ANO4: variants seen among roughly 807,000 people sequenced by gnomAD.
The protein encoded by ANO4 is anoctamin-4.
In ANO4, 69 loss-of-function variants were observed where a neutral mutation model predicts 141.9. The ratio of observed to expected loss-of-function variants is 0.49; its 90% CI spans 0.40 to 0.59. The LOEUF is 0.59. Ranked by LOEUF, ANO4 falls within the 20% of genes least tolerant of loss-of-function variation. The pLI is 0.00. For missense variants in ANO4, 894 were observed against 1,162.2 expected (o/e 0.77, Z 3.36); for synonymous variants, 350 against 394.3 (o/e 0.89, Z 1.33).
At chr12:101,041,901 G>A (rs894644617) in intron 11 of ANO4, among the ~76,000 whole-genome samples, 2 of 152,120 alleles carry the variant, frequency 1.3e-5, no homozygotes, top group African/African-American at 4.8e-5. Context: ...TGAAAGTTGT[G>A]GAGCATCTAG....
intron 4 of ANO4, among the ~76,000 whole-genome samples, chr12:100,942,138 G>A (rs1375308825): frequency 1.3e-5 from 2 of 151,840 alleles, no homozygotes. Flanking sequence ...ACGCCACCAT[G>A]CCCAGCTAAT....
intron 1 of ANO4, among the ~76,000 whole-genome samples, chr12:100,805,147 A>C (rs1467246359): frequency 6.6e-6 from 1 of 152,152 alleles, no homozygotes; most frequent in Non-Finnish European, 1.5e-5. Flanking sequence ...GAAGGAGTCC[A>C]TTTTCTATTT....
At chr12:100,825,252 G>A (rs908011224) in intron 1 of ANO4, among the ~76,000 whole-genome samples, 2 of 151,950 alleles carry the variant, frequency 1.3e-5, no homozygotes, top group African/African-American at 4.8e-5. Context: ...AAACATTTAG[G>A]AAAACAAACA....
intron 3 of ANO4, among the ~76,000 whole-genome samples, chr12:100,765,028 G>A (rs1413931227): frequency 6.6e-6 from 1 of 152,154 alleles, no homozygotes. Context: ...GGGTTTAAGA[G>A]GGATTGGTTT....
chr12:100,875,173 C>T (rs556542224), intron 1 of ANO4, among the ~76,000 whole-genome samples: 3 of 152,146 alleles, frequency 2.0e-5, no homozygotes, highest in Non-Finnish European at 2.9e-5. Flanking sequence ...CACCTCATGT[C>T]GAATTGTAAT....
At chr12:101,062,025 C>A (rs1162303858) in intron 14 of ANO4, among the ~76,000 whole-genome samples, 1 of 152,106 alleles carries the variant, frequency 6.6e-6, no homozygotes, top group Non-Finnish European at 1.5e-5. Context: ...GATTTATCTA[C>A]CTTTGGTCTT....
intron 1 of ANO4, among the ~76,000 whole-genome samples, chr12:100,819,039 A>ATG (rs2035886508): frequency 6.6e-6 from 1 of 150,478 alleles, no homozygotes. Context: ...ATGTGTGTAT[A>ATG]TATATATGTG....
intron 3 of ANO4, among the ~76,000 whole-genome samples, chr12:100,931,760 A>G (rs2042094745): frequency 6.6e-6 from 1 of 152,118 alleles, no homozygotes; most frequent in African/African-American, 2.4e-5. Flanking sequence ...AGAATAAGAA[A>G]AAACTGAAAA....
chr12:101,047,886 G>A, intron 13 of ANO4: 1 of 477,430 alleles, frequency 2.1e-6, no homozygotes, highest in Non-Finnish European at 2.7e-6. Flanking sequence ...CCCAGAAAAT[G>A]TTTGCTCAAA....
At chr12:100,920,988 T>G (rs1014544529) in intron 2 of ANO4, among the ~76,000 whole-genome samples, 4 of 152,142 alleles carry the variant, frequency 2.6e-5, no homozygotes, top group African/African-American at 4.8e-5. Flanking sequence ...GAAACTAAAA[T>G]TTAGAGAGGT....
At chr12:100,976,969 T>C (rs188264860) in intron 7 of ANO4, among the ~76,000 whole-genome samples, 6 of 152,226 alleles carry the variant, frequency 3.9e-5, no homozygotes, top group Non-Finnish European at 7.4e-5. Context: ...ACAGAGCACA[T>C]TGGGGTCATA....
chr12:100,883,384 A>G (rs1480161068), intron 1 of ANO4, among the ~76,000 whole-genome samples: 2 of 152,256 alleles, frequency 1.3e-5, no homozygotes, highest in Admixed American at 1.3e-4. Flanking sequence ...AAAAGCAGCC[A>G]TAGATGATAG....
chr12:100,830,942 A>G (rs1314480257), intron 1 of ANO4, among the ~76,000 whole-genome samples: 3 of 152,096 alleles, frequency 2.0e-5, no homozygotes, highest in African/African-American at 4.8e-5. Flanking sequence ...TTATATAGAA[A>G]TCTGTCTCTT....
chr12:101,074,718 A>T (rs1225849366), intron 14 of ANO4, among the ~76,000 whole-genome samples: 2 of 152,244 alleles, frequency 1.3e-5, no homozygotes, highest in East Asian at 3.8e-4. Context: ...TGATACTATT[A>T]TTAAGTTATT....
intron 1 of ANO4, among the ~76,000 whole-genome samples, chr12:100,871,143 C>T (rs748618678): frequency 3.3e-5 from 5 of 152,140 alleles, no homozygotes; most frequent in African/African-American, 7.2e-5. Flanking sequence ...TTTCATATCA[C>T]CTTAAATCTT....
At chr12:100,795,645 T>C (rs2034261215) in intron 1 of ANO4, among the ~76,000 whole-genome samples, 1 of 152,194 alleles carries the variant, frequency 6.6e-6, no homozygotes, top group Non-Finnish European at 1.5e-5. Flanking sequence ...TTCTTTCCCT[T>C]CTGAGTCTCA....
At chr12:100,889,082 C>T (rs111282496) in intron 1 of ANO4, among the ~76,000 whole-genome samples, 20,949 of 144,436 alleles carry the variant, frequency 0.15, 2,733 homozygotes, top group African/African-American at 0.35. Flanking sequence ...TTCCTGTGTC[C>T]ATGTGTTCTC....
chr12:100,942,373 G>T lies in ANO4; in HGVS notation c.298-4G>T. On this transcript the variant is annotated splice_polypyrimidine_tract_variant and splice_region_variant and intron_variant, in intron 4 of 27. Coordinates refer to ENST00000392977, the MANE Select transcript of ANO4 (RefSeq NM_001286615.2). ...TAAACTGGTCCCTTTCTCTTTGTGT[G>T]CAGACAGTGCCAGAAAGAAACAAAT... 2 of 1,612,624 alleles carry T rather than the reference G, an allele frequency of 1.2e-6. No homozygotes were observed. The highest frequency in any genetic ancestry group is 1.7e-6 in the Non-Finnish European group (2 of 1,179,510).
At chr12:101,032,236 A>G (rs962517562) in intron 9 of ANO4, among the ~76,000 whole-genome samples, 1 of 152,218 alleles carries the variant, frequency 6.6e-6, no homozygotes, top group Non-Finnish European at 1.5e-5. Flanking sequence ...AAACAGACAC[A>G]TAGACCAATG....
Sources: gnomAD v4.1 joint callset for allele counts (sites outside exome capture counted in the v4.1 genomes callset) on GRCh38, gnomAD v4.1.1 for gene constraint, MANE v1.5 for transcripts, NCBI Gene and HGNC (gene_info 2026-07-23, HGNC 2026-07-21) for gene names.